The following KCNT2 variants were observed in gnomAD, a reference collection of about 807,000 sequenced individuals.
The protein encoded by KCNT2 is potassium sodium-activated channel subfamily T member 2.
In KCNT2, 67 loss-of-function variants were observed where a neutral mutation model predicts 153.8. The ratio of observed to expected loss-of-function variants is 0.44; its 90% CI spans 0.36 to 0.53. The LOEUF (loss-of-function observed/expected upper bound fraction) is 0.53, where lower values mean the gene tolerates loss of function less well. KCNT2 is among the 20% of genes least tolerant of loss of function. The pLI, the probability that KCNT2 is intolerant of heterozygous loss-of-function variation, is 0.00. For missense variants in KCNT2, 975 were observed against 1,354.8 expected (o/e 0.72, Z 4.40); for synonymous variants, 500 against 458.8 (o/e 1.09, Z -1.15).
intron 27 of KCNT2, among the ~76,000 whole-genome samples, chr1:196,232,901 G>A (rs537959831): frequency 2.0e-4 from 30 of 150,698 alleles, no homozygotes; most frequent in Admixed American, 1.9e-3. Flanking sequence ...ATACAAATAA[G>A]GTAAGCATAA....
chr1:196,302,164 A>T (rs10922057), intron 22 of KCNT2, among the ~76,000 whole-genome samples: 34,057 of 152,098 alleles, frequency 0.22, 5,476 homozygotes, highest in African/African-American at 0.46. Context: ...AATCCATGTA[A>T]CCCTCAGCCA....
chr1:196,535,740 C>T (rs937227244), intron 1 of KCNT2, among the ~76,000 whole-genome samples: 50 of 152,192 alleles, frequency 3.3e-4, no homozygotes, highest in African/African-American at 1.1e-3. Context: ...CCGGCCTGTA[C>T]GCAATCTGTG....
At chr1:196,522,458 A>AT (rs777898214) in intron 1 of KCNT2, among the ~76,000 whole-genome samples, 6 of 152,214 alleles carry the variant, frequency 3.9e-5, no homozygotes, top group Non-Finnish European at 8.8e-5. Context: ...TAAACCTTAC[A>AT]TTTTTATGCT....
At chr1:196,482,455 G>T in intron 3 of KCNT2, 76 bp from the exon 4 acceptor site, 3 of 766,140 alleles carry the variant, frequency 3.9e-6, no homozygotes, top group Middle Eastern at 4.0e-4. Context: ...AGTTAAAGTT[G>T]GAAATATTAA....
chr1:196,448,608 T>G (rs957414097), intron 8 of KCNT2, among the ~76,000 whole-genome samples: 1 of 151,652 alleles, frequency 6.6e-6, no homozygotes, highest in African/African-American at 2.4e-5. Flanking sequence ...TGACTTATAG[T>G]TTTTTCTGTT....
At chr1:196,477,652 C>A (rs1572585402) in intron 5 of KCNT2, among the ~76,000 whole-genome samples, 1 of 151,982 alleles carries the variant, frequency 6.6e-6, no homozygotes, top group Non-Finnish European at 1.5e-5. Context: ...AAAAACATAA[C>A]CTTGAGTACA....
At chr1:196,524,372 A>G (rs959418062) in intron 1 of KCNT2, among the ~76,000 whole-genome samples, 2 of 132,562 alleles carry the variant, frequency 1.5e-5, no homozygotes, top group African/African-American at 8.6e-5. Context: ...TAAGGGGGGA[A>G]AAAAAGTGGT....
In KCNT2 at chr1:196,326,873, T is replaced by C. The variant is rs749422689; in HGVS notation, c.2120A>G (p.Tyr707Cys). Residue 707 changes from tyrosine (Y) to cysteine (C), a missense_variant, in exon 19 of 28, where the codon TAC becomes TGC. Transcript: ENST00000294725. ...TCCATAGGCTTTTGCATCCTCATAG[T>C]AGTTATGTTGGCAACTCTAGAGAAG... The part of the protein sequence containing the change: ...LRLDKSCQHN[Y>C]YEDAKAYGFK... 26 of 1,571,194 alleles carry C rather than the reference T, an allele frequency of 1.7e-5. No individual in the cohort carries two copies. In the South Asian group the frequency reaches 2.6e-4, roughly 16 times the overall value.
At chr1:196,555,659 TA>T (rs570857758) in intron 1 of KCNT2, among the ~76,000 whole-genome samples, 67 of 151,152 alleles carry the variant, frequency 4.4e-4, no homozygotes, top group Admixed American at 3.8e-3. Context: ...ATATAAAATT[TA>T]TATGGAATCA....
chr1:196,363,764 T>A (rs1038633242), intron 14 of KCNT2, among the ~76,000 whole-genome samples: 2 of 152,168 alleles, frequency 1.3e-5, no homozygotes, highest in Non-Finnish European at 2.9e-5. Flanking sequence ...AATCTGTCTT[T>A]ATAAATTACT....
At chr1:196,256,265 T>TA (rs1451795988) in intron 26 of KCNT2, among the ~76,000 whole-genome samples, 15 of 151,984 alleles carry the variant, frequency 9.9e-5, no homozygotes, top group Admixed American at 9.8e-4. Flanking sequence ...AAGCCTGGTA[T>TA]ATCCTTTTAC....
intron 1 of KCNT2, among the ~76,000 whole-genome samples, chr1:196,553,141 C>T (rs959380084): frequency 1.3e-5 from 2 of 150,898 alleles, no homozygotes; most frequent in Non-Finnish European, 3.0e-5. Flanking sequence ...GATGAAAAAA[C>T]AAGACCCAAT....
At position 196,235,970 on chromosome 1, in the gene KCNT2, T is replaced by C. The variant is rs1273630491; in HGVS notation, c.3296+16A>G. 5 of 1,483,570 alleles carry C rather than the reference T, an allele frequency of 3.4e-6. No homozygotes were observed. Among genetic ancestry groups the C allele is most frequent in the Non-Finnish European group, 4.7e-6 (5 of 1,064,544 alleles). 91.9% of individuals were successfully genotyped at this position (1,483,570 alleles called of 1,614,324 possible). A position where few individuals can be genotyped will look rare whatever the true frequency, so the allele number is the denominator to read the frequency against. The stretch of plus-strand genomic sequence containing the variant: ...CTAAAAATATCTGTCTTATATGAGA[T>C]ATGAGATCAACTTACACAACATCAT... On this transcript the variant is annotated intron_variant, in intron 27 of 27. Transcript: ENST00000294725.
At chr1:196,421,992 A>T (rs1319041960) in intron 12 of KCNT2, among the ~76,000 whole-genome samples, 1 of 152,048 alleles carries the variant, frequency 6.6e-6, no homozygotes, top group East Asian at 1.9e-4. Context: ...TCTCATTATA[A>T]ATTTATTACT....
intron 25 of KCNT2, among the ~76,000 whole-genome samples, chr1:196,274,157 C>T (rs1223205370): frequency 1.3e-5 from 2 of 151,500 alleles, no homozygotes; most frequent in African/African-American, 4.8e-5. Context: ...GGAATCTAAA[C>T]TAATTGATTT....
chr1:196,549,456 A>G (rs1030794971), intron 1 of KCNT2, among the ~76,000 whole-genome samples: 9 of 152,048 alleles, frequency 5.9e-5, no homozygotes, highest in African/African-American at 1.9e-4. Flanking sequence ...TTGTTTTTTC[A>G]TGTATGTGAC....
At chr1:196,403,672 T>A (rs1301598859) in intron 12 of KCNT2, among the ~76,000 whole-genome samples, 1 of 150,624 alleles carries the variant, frequency 6.6e-6, no homozygotes, top group Non-Finnish European at 1.5e-5. Context: ...GGGGGTGAGA[T>A]ATGGACATTC....
intron 13 of KCNT2, among the ~76,000 whole-genome samples, chr1:196,385,548 A>G (rs1046586805): frequency 5.3e-5 from 8 of 152,128 alleles, no homozygotes; most frequent in African/African-American, 1.9e-4. Context: ...AAAAATCGCC[A>G]AACAGAAAAT....
At chr1:196,516,892 T>C (rs1210000378) in intron 1 of KCNT2, among the ~76,000 whole-genome samples, 2 of 152,056 alleles carry the variant, frequency 1.3e-5, no homozygotes, top group African/African-American at 2.4e-5. Context: ...AGCACCCTTA[T>C]GGAAAAGTAG....
Sources: allele counts gnomAD v4.1 joint callset (sites outside exome capture counted in the v4.1 genomes callset), GRCh38; gene constraint gnomAD v4.1.1; transcripts MANE v1.5; gene names NCBI Gene and HGNC (gene_info 2026-07-23, HGNC 2026-07-21).